ELP1: variants seen among roughly 807,000 people sequenced by gnomAD.
ELP1 encodes the protein elongator complex protein 1.
A neutral mutation model predicts 183.2 loss-of-function variants in ELP1; 131 were observed. The ratio of observed to expected loss-of-function variants is 0.72; its 90% CI spans 0.62 to 0.83. The LOEUF (loss-of-function observed/expected upper bound fraction) is 0.83. ELP1 is among the 40% of genes least tolerant of loss of function. The pLI is 0.00. For missense variants in ELP1, 1,550 were observed against 1,594.9 expected (o/e 0.97, Z 0.48); for synonymous variants, 555 against 569.0 (o/e 0.98, Z 0.35).
intron 2 of ELP1, 75 bp downstream of exon 2, chr9:108,930,922 T>C (rs1016801299): frequency 5.2e-5 from 74 of 1,424,876 alleles, no homozygotes; most frequent in Non-Finnish European, 7.0e-5. Flanking sequence ...AGAAAGACCA[T>C]GTGGGGAAAG....
Position 108,906,353 on chromosome 9 carries a change from C to T in ELP1, c.1593G>A (p.Leu531=), listed in dbSNP as rs773965613. The part of the protein sequence containing the change: ...EFSPRSVIHH[L]TAASSEMDEE... ...CATCCATCTCAGAAGAAGCTGCAGT[C>T]AAATGGTGAATGACAGACCGGGGGC... Residue 531 remains leucine, a synonymous_variant, in exon 14 of 37, where the codon TTG becomes TTA. Coordinates refer to ENST00000374647, the MANE Select transcript of ELP1 (RefSeq NM_003640.5). 13 of 1,613,978 alleles carry T rather than the reference C, an allele frequency of 8.1e-6. No individual in the cohort carries two copies. Among genetic ancestry groups the T allele is most frequent in the South Asian group, 6.6e-5 (6 of 91,072 alleles).
At chr9:108,916,923 C>G (rs1033949757) in intron 9 of ELP1, among the ~76,000 whole-genome samples, 5 of 152,114 alleles carry the variant, frequency 3.3e-5, no homozygotes, top group African/African-American at 1.2e-4. Flanking sequence ...ATACAAACCA[C>G]TTAAGATTTA....
chr9:108,911,299 A>C (rs1222451018), intron 11 of ELP1, 119 bp from the exon 12 acceptor site: 1 of 1,004,550 alleles, frequency 1.0e-6, no homozygotes, highest in Non-Finnish European at 1.5e-6. Flanking sequence ...ATAACTTTCA[A>C]TGTTTTTCTC....
In ELP1 at chr9:108,891,184, T is replaced by C. The variant is rs1201732964; in HGVS notation, c.3160+19A>G. 1 of 1,612,016 alleles carries C rather than the reference T, an allele frequency of 6.2e-7. No individual in the cohort carries two copies. The highest frequency in any genetic ancestry group is 1.3e-5 in the African/African-American group (1 of 75,032). On this transcript the variant is annotated intron_variant, in intron 28 of 36. Coordinates refer to ENST00000374647, the MANE Select transcript of ELP1 (RefSeq NM_003640.5). The stretch of plus-strand genomic sequence containing the variant: ...TTTAAAACCTTTGTAGATGTAAACA[T>C]ATAAATGATTGTACTTACCTGCCAG...
At chr9:108,883,799 C>T (rs1360256237) in intron 29 of ELP1, among the ~76,000 whole-genome samples, 1 of 151,584 alleles carries the variant, frequency 6.6e-6, no homozygotes, top group Non-Finnish European at 1.5e-5. Context: ...AATAAGCCAA[C>T]AGTGGAGGTA....
At chr9:108,918,780 G>A in intron 8 of ELP1, 31 bp downstream of exon 8, 1 of 1,522,706 alleles carries the variant, frequency 6.6e-7, no homozygotes, top group South Asian at 1.1e-5. Context: ...CTGGTTCCAA[G>A]AATTTCTCTA....
chr9:108,876,124 A>T (rs1827697282), intron 35 of ELP1, among the ~76,000 whole-genome samples: 1 of 151,994 alleles, frequency 6.6e-6, no homozygotes, highest in Admixed American at 6.6e-5. Flanking sequence ...GAAAATTTGA[A>T]AATTAACCAG....
Position 108,906,400 on chromosome 9 carries a change from C to T in ELP1, c.1546G>A (p.Ala516Thr). 1 of 1,614,064 alleles carries T rather than the reference C, an allele frequency of 6.2e-7. No individual in the cohort carries two copies. The highest frequency in any genetic ancestry group is 1.6e-4 in the Middle Eastern group (1 of 6,062). ...GGGCTGAACTCACTGTGGCTTACAG[C>T]CAGGAAGACGTCTTCTTCAATCCAA... ...LTWIEEDVFL[A>T]VSHSEFSPRS... The change falls in exon 14 of 37, where the codon GCT (alanine) becomes ACT (threonine). Residue 516 changes from alanine to threonine, a missense_variant. Transcript: ENST00000374647.
chr9:108,908,254 T>TG lies in ELP1; in HGVS notation c.1460+50dup, dbSNP rs781178621. 7.4e-6 allele frequency: 10 copies of TG among 1,348,034 alleles called. No homozygotes were observed. In the East Asian group the frequency reaches 1.8e-4, roughly 25 times the overall value. 83.5% of individuals were successfully genotyped at this position (1,348,034 alleles called of 1,614,324 possible). On this transcript the variant is annotated intron_variant, in intron 13 of 36. Coordinates refer to ENST00000374647, the MANE Select transcript of ELP1 (RefSeq NM_003640.5). ...GTTATCAGATGGCTGAATTTAGGAC[T>TG]GCATGCTGGCTGATTCTGTTCCCAG...
intron 32 of ELP1, 28 bp downstream of exon 32, chr9:108,880,024 C>T (rs752925874): frequency 7.7e-6 from 11 of 1,420,946 alleles, no homozygotes; most frequent in South Asian, 5.7e-5. Context: ...TGCCCCCGCA[C>T]GTCGATGGCC....
intron 25 of ELP1, among the ~76,000 whole-genome samples, chr9:108,895,587 C>G (rs1040226887): frequency 1.3e-5 from 2 of 152,068 alleles, no homozygotes; most frequent in Non-Finnish European, 2.9e-5. Flanking sequence ...TACACAGAGG[C>G]CAGGTCAAGG....
intron 22 of ELP1, among the ~76,000 whole-genome samples, chr9:108,897,854 C>T (rs186389133): frequency 6.6e-6 from 1 of 152,260 alleles, no homozygotes; most frequent in Admixed American, 6.5e-5. Context: ...TGTACATTTG[C>T]CAAAACTCAC....
chr9:108,910,404 C>T (rs1481919825), intron 12 of ELP1, among the ~76,000 whole-genome samples: 4 of 152,178 alleles, frequency 2.6e-5, no homozygotes, highest in African/African-American at 4.8e-5. Flanking sequence ...GAAAACAAGG[C>T]TAACACTGCC....
intron 13 of ELP1, among the ~76,000 whole-genome samples, chr9:108,907,507 C>T (rs1324141087): frequency 6.6e-6 from 1 of 152,044 alleles, no homozygotes; most frequent in African/African-American, 2.4e-5. Context: ...ATTTAAGAAA[C>T]ATTATTTATT....
intron 27 of ELP1, among the ~76,000 whole-genome samples, chr9:108,892,759 T>G (rs1828392078): frequency 1.3e-5 from 2 of 151,490 alleles, no homozygotes; most frequent in East Asian, 1.9e-4. Context: ...AGAGGAGGGG[T>G]GGGAAAGAAG....
At chr9:108,889,476 G>GAAATAAAGTATGAAGTA in intron 28 of ELP1, 83 bp from the exon 29 acceptor site, 9 of 1,217,782 alleles carry the variant, frequency 7.4e-6, no homozygotes, top group Non-Finnish European at 8.5e-6. Flanking sequence ...TCTTTATTAT[G>GAAATAAAGTATGAAGTA]TATGAAACTA....
At chr9:108,913,694 CTG>C (rs1564097670) in intron 10 of ELP1, among the ~76,000 whole-genome samples, 1 of 152,070 alleles carries the variant, frequency 6.6e-6, no homozygotes, top group Non-Finnish European at 1.5e-5. Context: ...GTCACCCATG[CTG>C]GAGTGCAGTG....
intron 30 of ELP1, 35 bp downstream of exon 30, chr9:108,882,090 G>T (rs951961092): frequency 1.3e-6 from 2 of 1,577,482 alleles, no homozygotes; most frequent in Non-Finnish European, 1.7e-6. Flanking sequence ...TCTCTGCTTA[G>T]CACCCAACAT....
chr9:108,909,800 C>T (rs1037573770), intron 12 of ELP1, among the ~76,000 whole-genome samples: 3 of 152,158 alleles, frequency 2.0e-5, no homozygotes, highest in Admixed American at 2.0e-4. Flanking sequence ...GTGGAGCTCT[C>T]AACCTGTCCT....
Sources: gnomAD v4.1 joint callset for allele counts (sites outside exome capture counted in the v4.1 genomes callset) on GRCh38, gnomAD v4.1.1 for gene constraint, MANE v1.5 for transcripts, NCBI Gene and HGNC (gene_info 2026-07-23, HGNC 2026-07-21) for gene names.